Variants in CENPP observed in about 807,000 individuals in gnomAD.
CENPP encodes centromere protein P.
A neutral mutation model predicts 35.6 loss-of-function variants in CENPP; 24 were observed. The ratio of observed to expected loss-of-function variants is 0.67; its 90% CI spans 0.49 to 0.95. CENPP has a LOEUF of 0.95. Ranked by LOEUF, CENPP falls within the 40% of genes least tolerant of loss-of-function variation. The pLI is 0.00. For missense variants in CENPP, 332 were observed against 345.3 expected, an observed-to-expected ratio of 0.96 and a Z score of 0.31; for synonymous variants, 120 against 125.5, an observed-to-expected ratio of 0.96 and a Z score of 0.29.
chr9:92,339,793 T>G (rs1183168681), intron 3 of CENPP: 2 of 153,722 alleles, frequency 1.3e-5, no homozygotes, highest in African/African-American at 4.8e-5. Context: ...ATTGGTATCA[T>G]TTAGGCTGGA....
At chr9:92,359,331 C>A (rs983851228) in intron 4 of CENPP, among the ~76,000 whole-genome samples, 1 of 152,070 alleles carries the variant, frequency 6.6e-6, no homozygotes, top group South Asian at 2.1e-4. Context: ...AATGTGGTAA[C>A]CCCCAAAGTC....
intron 5 of CENPP, chr9:92,457,342 T>C (rs776690193): frequency 4.6e-5 from 74 of 1,613,928 alleles, no homozygotes; most frequent in Non-Finnish European, 5.4e-5. Flanking sequence ...CACAACGAAA[T>C]GTTGCAGGTT....
rs1850330113 is a variant in CENPP at position 92,578,131 on chromosome 9, G to GTCATTT, written c.565-33181_565-33176dup. 2.6e-5 allele frequency among the ~76,000 whole-genome samples: 4 copies of GTCATTT among 151,830 alleles called. No individual in the cohort carries two copies. In the South Asian group the frequency reaches 8.3e-4, roughly 32 times the overall value. ...ATGTCCCTACAAAGGACATGAACTC[G>GTCATTT]TCATTTTTTATGGCTGCATAGTATT... On this transcript the variant is annotated intron_variant, in intron 5 of 7. Transcript: ENST00000375587.
chr9:92,366,191 A>G (rs1841885199), intron 4 of CENPP, among the ~76,000 whole-genome samples: 1 of 151,988 alleles, frequency 6.6e-6, no homozygotes, highest in Non-Finnish European at 1.5e-5. Context: ...AAAAAAAAAA[A>G]AAAAAAAGAA....
At chr9:92,591,397 C>T (rs960220054) in intron 5 of CENPP, among the ~76,000 whole-genome samples, 2 of 150,910 alleles carry the variant, frequency 1.3e-5, no homozygotes, top group African/African-American at 2.4e-5. Flanking sequence ...CCAGCCTGGG[C>T]GACTGAGCAA....
chr9:92,619,913 G>A lies in CENPP; in HGVS notation c.*6764G>A, dbSNP rs1851573698. ...AAAAGCAGTAAGCCACCTGAGCCCC[G>A]CATGTTGGCCACACTCAGAGTATCA... On this transcript the variant is annotated 3_prime_UTR_variant, in exon 8 of 8. Transcript: ENST00000375587. 2 of 315,548 alleles carry A rather than the reference G, an allele frequency of 6.3e-6. No individual in the cohort carries two copies. Among genetic ancestry groups the A allele is most frequent in the Non-Finnish European group, 6.2e-6 (1 of 160,726 alleles). The allele number at this position is 315,548 out of a possible 1,614,324, so 19.5% of individuals were successfully genotyped here.
intron 1 of CENPP, among the ~76,000 whole-genome samples, chr9:92,331,414 G>A (rs1173313379): frequency 2.0e-5 from 3 of 151,180 alleles, no homozygotes; most frequent in Non-Finnish European, 4.4e-5. Context: ...TCTCCTGACC[G>A]CGTGATCCAC....
At chr9:92,502,553 C>T (rs1309357342) in intron 5 of CENPP, 1 of 1,612,778 alleles carries the variant, frequency 6.2e-7, no homozygotes, top group East Asian at 2.2e-5. Flanking sequence ...CTATTTTCTT[C>T]AATTTTGTTA....
chr9:92,619,351 A>G lies in CENPP; in HGVS notation c.*6202A>G. ...GAGTTAGTAAGCCCCATGATGTCAC[A>G]TAGGCCAAGGAAGTTATGTCACTCC... On this transcript the variant is annotated 3_prime_UTR_variant, in exon 8 of 8. Transcript: ENST00000375587. 1.4e-6 allele frequency: 1 copy of G among 689,844 alleles called. No individual in the cohort carries two copies. Among genetic ancestry groups the G allele is most frequent in the Non-Finnish European group, 2.6e-6 (1 of 390,074 alleles). 42.7% of individuals were successfully genotyped at this position (689,844 alleles called of 1,614,324 possible).
intron 5 of CENPP, among the ~76,000 whole-genome samples, chr9:92,537,285 A>G (rs1258368150): frequency 6.6e-6 from 1 of 152,200 alleles, no homozygotes; most frequent in Non-Finnish European, 1.5e-5. Context: ...AAAATGACCT[A>G]GATAGACTGA....
chr9:92,535,308 G>C (rs1330168020), intron 5 of CENPP, among the ~76,000 whole-genome samples: 1 of 152,030 alleles, frequency 6.6e-6, no homozygotes, highest in Non-Finnish European at 1.5e-5. Context: ...ACAGAATTTT[G>C]CTTTGCACTT....
intron 5 of CENPP, chr9:92,404,633 G>T (rs1286509660): frequency 7.8e-7 from 1 of 1,280,082 alleles, no homozygotes; most frequent in Non-Finnish European, 1.0e-6. Context: ...GGGCCCAGCA[G>T]CTTTAAGAAC....
At chr9:92,514,566 T>A (rs1166777168) in intron 5 of CENPP, 8 of 1,517,772 alleles carry the variant, frequency 5.3e-6, no homozygotes, top group Non-Finnish European at 7.1e-6. Flanking sequence ...TGAGCCACCG[T>A]GCCCAGCTGC....
At chr9:92,368,816 A>T (rs561517119) in intron 4 of CENPP, among the ~76,000 whole-genome samples, 1 of 152,148 alleles carries the variant, frequency 6.6e-6, no homozygotes, top group Non-Finnish European at 1.5e-5. Context: ...AGATGGGAGG[A>T]TCGCTTGAGC....
chr9:92,337,129 C>G (rs1216957344), intron 2 of CENPP, among the ~76,000 whole-genome samples: 1 of 152,132 alleles, frequency 6.6e-6, no homozygotes, highest in Non-Finnish European at 1.5e-5. Flanking sequence ...ACCAGCCTGA[C>G]CAGTATGGTG....
chr9:92,503,266 C>T (rs1846797872), intron 5 of CENPP, among the ~76,000 whole-genome samples: 2 of 152,238 alleles, frequency 1.3e-5, no homozygotes, highest in South Asian at 4.1e-4. Flanking sequence ...CTCATTTGGG[C>T]TTAAAAACTC....
chr9:92,496,312 G>C, intron 5 of CENPP: 1 of 1,571,836 alleles, frequency 6.4e-7, no homozygotes, highest in East Asian at 2.3e-5. Context: ...GGAAAACTTG[G>C]AATTACTTGA....
chr9:92,563,224 C>G (rs918163780), intron 5 of CENPP, among the ~76,000 whole-genome samples: 1 of 152,100 alleles, frequency 6.6e-6, no homozygotes, highest in African/African-American at 2.4e-5. Context: ...TTCCTCAATC[C>G]CTGACTTAAA....
Position 92,618,785 on chromosome 9 carries a change from A to T in CENPP, c.*5636A>T, listed in dbSNP as rs1353076867. On this transcript the variant is annotated 3_prime_UTR_variant, in exon 8 of 8. Transcript: ENST00000375587. ...CCTGGGAACTGTTTAGTTCAAAAGC[A>T]CCGGGAAAGTGAGTGGCTGGCAGCC... The T allele has an allele frequency of 2.8e-6, 1 of 352,560 alleles. No individual in the cohort carries two copies. Among genetic ancestry groups the T allele is most frequent in the Non-Finnish European group, 5.6e-6 (1 of 178,708 alleles). 21.8% of individuals were successfully genotyped at this position (352,560 alleles called of 1,614,324 possible). A position where few individuals can be genotyped will look rare whatever the true frequency, so the allele number is the denominator to read the frequency against.
Sources: allele counts gnomAD v4.1 joint callset (sites outside exome capture counted in the v4.1 genomes callset), GRCh38; gene constraint gnomAD v4.1.1; transcripts MANE v1.5; gene names NCBI Gene and HGNC (gene_info 2026-07-23, HGNC 2026-07-21).